SWI5: variants seen among roughly 807,000 people sequenced by gnomAD.
The protein encoded by SWI5 is SWI5 homologous recombination repair protein, also known as DNA repair protein SWI5 homolog.
Under a neutral mutation model 17.0 loss-of-function variants are expected in SWI5, and 12 were observed. That is an observed-to-expected ratio of 0.71 (90% CI 0.45 to 1.14). SWI5 has a LOEUF of 1.14. Among genes scored for constraint, SWI5 ranks in the 50% most tolerant of loss-of-function variants. The pLI is 0.00. For synonymous variants in SWI5, 61 were observed against 64.0 expected (o/e 0.95, Z 0.22); for missense variants, 158 against 162.2 (o/e 0.97, Z 0.14).
At chr9:128,284,558 C>T (rs1831600526) in exon 3 of SWI5, 1 of 1,613,982 alleles carries the variant, frequency 6.2e-7, no homozygotes, top group South Asian at 1.1e-5. Flanking sequence ...CGAGGAGTCT[C>T]TGCACCTTGA....
chr9:128,284,280 C>T (rs1831593547), intron 2 of SWI5, among the ~76,000 whole-genome samples: 1 of 132,800 alleles, frequency 7.5e-6, no homozygotes, highest in African/African-American at 3.2e-5. Context: ...CAGAGCGAGA[C>T]TCCGTCTCAA....
intron 4 of SWI5, among the ~76,000 whole-genome samples, chr9:128,287,228 C>T (rs910593779): frequency 3.4e-5 from 5 of 148,954 alleles, no homozygotes; most frequent in African/African-American, 1.2e-4. Context: ...AGGTGGATGA[C>T]AAGGTCAGGA....
At chr9:128,277,337 A>C (rs1831430060) in intron 2 of SWI5, among the ~76,000 whole-genome samples, 1 of 152,088 alleles carries the variant, frequency 6.6e-6, no homozygotes, top group Non-Finnish European at 1.5e-5. Context: ...AGATCATTTG[A>C]GGTCAGGAGT....
chr9:128,276,854 G>T, intron 2 of SWI5, 99 bp downstream of exon 2: 1 of 1,290,376 alleles, frequency 7.7e-7, no homozygotes, highest in Non-Finnish European at 1.1e-6. Flanking sequence ...ATCCCCGCTT[G>T]GCCCTCTTCC....
At chr9:128,283,853 G>A (rs1831585220) in intron 2 of SWI5, among the ~76,000 whole-genome samples, 1 of 152,152 alleles carries the variant, frequency 6.6e-6, no homozygotes, top group South Asian at 2.1e-4. Context: ...GCTGGGAACA[G>A]TGGCTCATGC....
Position 128,286,034 on chromosome 9 carries a change from G to C in SWI5, c.328+1G>C. ...GGGCAGATGCTGATGGGCAAACTAGGTGAGTAGTTGGGACTCCAGAGCCAC... is the reference window on the plus strand; with the variant it reads ...GGGCAGATGCTGATGGGCAAACTAGCTGAGTAGTTGGGACTCCAGAGCCAC... On this transcript the variant is annotated splice_donor_variant, in intron 4 of 4. Coordinates refer to ENST00000418976, the Ensembl canonical transcript of SWI5. LOFTEE classifies it high-confidence loss of function. 2.5e-6 allele frequency: 4 copies of C among 1,610,562 alleles called. No individual in the cohort carries two copies. The highest frequency in any genetic ancestry group is 3.4e-6 in the Non-Finnish European group (4 of 1,176,754).
chr9:128,275,367 TA>T (rs1176007407), upstream of SWI5: 26 of 1,271,690 alleles, frequency 2.0e-5, no homozygotes, highest in Admixed American at 2.3e-4. Context: ...ATTCCACTCC[TA>T]GGGGGAACAT....
intron 2 of SWI5, among the ~76,000 whole-genome samples, chr9:128,279,831 C>T (rs1209801338): frequency 1.3e-5 from 2 of 152,126 alleles, no homozygotes; most frequent in Non-Finnish European, 1.5e-5. Context: ...TGCTAGGTAA[C>T]GGGTGCCTTC....
exon 1 of SWI5, chr9:128,276,330 C>A (rs1254052401): frequency 2.5e-6 from 4 of 1,613,126 alleles, no homozygotes; most frequent in Admixed American, 3.3e-5. Flanking sequence ...GGTCGCTCTC[C>A]GACTCCCGCG....
intron 4 of SWI5, among the ~76,000 whole-genome samples, chr9:128,287,652 C>A (rs1293425310): frequency 6.7e-6 from 1 of 149,126 alleles, no homozygotes; most frequent in Non-Finnish European, 1.5e-5. Context: ...ACCTCCACCT[C>A]CCAGGTTCAA....
chr9:128,276,420 TC>T lies in SWI5; in HGVS notation c.62+20del, dbSNP rs1389302892. On this transcript the variant is annotated intron_variant, in intron 1 of 4. Transcript: ENST00000418976. ...CTCAGGAGGTGGGCGAGGAACGGACTCCACAGTTTCTTTCCTGACTCCTCAC... is the reference window on the plus strand; with the variant it reads ...CTCAGGAGGTGGGCGAGGAACGGACTCACAGTTTCTTTCCTGACTCCTCAC... 6.2e-7 allele frequency: 1 copy of T among 1,610,122 alleles called. No individual in the cohort carries two copies. Among genetic ancestry groups the T allele is most frequent in the East Asian group, 2.2e-5 (1 of 44,782 alleles).
rs1217156886 is a variant in SWI5, at chr9:128,284,548, C to T, written c.150C>T (p.Ser50=). 9 of 1,613,732 alleles carry T rather than the reference C, an allele frequency of 5.6e-6. No homozygotes were observed. In the East Asian group the frequency reaches 8.9e-5, roughly 16 times the overall value. Reference sequence around the variant, plus strand: ...AGTCTGGCCAGGCTGATGGGACCAGCGAGGAGTCTCTGCACCTTGACATTC... The same window carrying T: ...AGTCTGGCCAGGCTGATGGGACCAGTGAGGAGTCTCTGCACCTTGACATTC... Residue 50 remains serine, a synonymous_variant, in exon 3 of 5, where the codon AGC becomes AGT. Transcript: ENST00000418976.
intron 1 of SWI5, 129 bp downstream of exon 1, chr9:128,276,531 C>T (rs1831384660): frequency 1.9e-6 from 3 of 1,569,406 alleles, no homozygotes; most frequent in Admixed American, 1.8e-5. Flanking sequence ...CTCAGAACGC[C>T]CCCTTCCTAG....
intron 2 of SWI5, among the ~76,000 whole-genome samples, chr9:128,280,698 T>C (rs1289752336): frequency 6.6e-6 from 1 of 151,938 alleles, no homozygotes; most frequent in African/African-American, 2.4e-5. Flanking sequence ...TTTGTATTTT[T>C]AGTAGAGACG....
upstream of SWI5, chr9:128,275,964 G>A (rs766415906): frequency 6.9e-6 from 11 of 1,596,088 alleles, no homozygotes; most frequent in East Asian, 2.3e-5. Context: ...GGGAGGCGGG[G>A]TTGGGGCCAC....
At chr9:128,278,805 C>A in intron 2 of SWI5, 1 of 396,778 alleles carries the variant, frequency 2.5e-6, no homozygotes, top group Non-Finnish European at 5.0e-6. Flanking sequence ...CGGAATCTTG[C>A]TCTGTCGCCC....
intron 4 of SWI5, chr9:128,286,346 C>T (rs1831639003): frequency 1.0e-5 from 3 of 290,188 alleles, no homozygotes; most frequent in Non-Finnish European, 2.0e-5. Flanking sequence ...AGATACCGTC[C>T]ATGCCTCAAG....
intron 2 of SWI5, among the ~76,000 whole-genome samples, chr9:128,284,288 CAAA>C (rs78361264): frequency 5.0e-5 from 4 of 79,276 alleles, no homozygotes; most frequent in Admixed American, 1.5e-4. Context: ...GACTCCGTCT[CAAA>C]AAAAAAAAAA....
exon 5 of SWI5, chr9:128,288,881 G>A (rs868622356): frequency 1.7e-5 from 12 of 698,648 alleles, no homozygotes; most frequent in African/African-American, 7.1e-5. Context: ...GAGAAGAGGC[G>A]GGCAGGGAGG....
Sources: gnomAD v4.1 joint callset for allele counts (sites outside exome capture counted in the v4.1 genomes callset) on GRCh38, gnomAD v4.1.1 for gene constraint, MANE v1.5 for transcripts, NCBI Gene and HGNC (gene_info 2026-07-23, HGNC 2026-07-21) for gene names.